Variants in CAPN13 observed in about 807,000 individuals in gnomAD.
The protein encoded by CAPN13 is calpain 13.
In CAPN13, 90 loss-of-function variants were observed where a neutral mutation model predicts 98.4. The observed-to-expected ratio is 0.92, with a 90% CI of 0.77 to 1.09. The LOEUF is 1.09. Ranked by LOEUF, CAPN13 falls within the 50% of genes least tolerant of loss-of-function variation. CAPN13 has a pLI of 0.00. For synonymous variants in CAPN13, 330 were observed against 305.5 expected, an observed-to-expected ratio of 1.08 and a Z score of -0.84; for missense variants, 887 against 841.3, an observed-to-expected ratio of 1.05 and a Z score of -0.67.
In CAPN13 at chr2:30,757,892, G is replaced by A. The variant is rs893246354; in HGVS notation, c.866+154C>T. 2.4e-4 allele frequency among the ~76,000 whole-genome samples: 37 copies of A among 152,196 alleles called. 1 individual carries two copies. Among genetic ancestry groups the A allele is most frequent in the Non-Finnish European group, 5.3e-4 (36 of 68,028 alleles). On this transcript the variant is annotated intron_variant, in intron 8 of 22. Coordinates refer to ENST00000295055, the MANE Select transcript of CAPN13 (RefSeq NM_144575.3). ...TTGCTTGGCGGATGGCATCACAGGA[G>A]CGTGAGATGGACCGATAGCCACGTG...
chr2:30,730,664 G>C (rs895389473), intron 22 of CAPN13, 66 bp downstream of exon 22: 9 of 764,710 alleles, frequency 1.2e-5, no homozygotes, highest in Admixed American at 1.7e-5. Flanking sequence ...CTTATGTGCA[G>C]TTCTTAGAGG....
chr2:30,778,844 G>A (rs774523259), intron 2 of CAPN13, among the ~76,000 whole-genome samples: 5 of 152,204 alleles, frequency 3.3e-5, no homozygotes, highest in African/African-American at 9.6e-5. Context: ...GGGGGACCCT[G>A]GGGTGGCACC....
intron 2 of CAPN13, among the ~76,000 whole-genome samples, chr2:30,786,624 A>T (rs1674297362): frequency 6.6e-6 from 1 of 152,184 alleles, no homozygotes; most frequent in Non-Finnish European, 1.5e-5. Context: ...AGCCTCTCTA[A>T]GATCGAGAAT....
In CAPN13 at chr2:30,743,515, T is replaced by C; in HGVS notation, c.1313A>G (p.Asn438Ser). 1 of 1,613,942 alleles carries C rather than the reference T, an allele frequency of 6.2e-7. No homozygotes were observed. Among genetic ancestry groups the C allele is most frequent in the South Asian group, 1.1e-5 (1 of 91,088 alleles). ...GGTGAAGTTGCGGCGGAATTTATTA[T>C]TTGAGCTTTGGACAGTGTTTCTGAA... The part of the protein sequence containing the change: ...SSFRNTVQSS[N>S]NKFRRNFTMT... The change falls in exon 13 of 23, where the codon AAT becomes AGT. Residue 438 changes from asparagine (N) to serine (S), a missense_variant. Coordinates refer to ENST00000295055, the MANE Select transcript of CAPN13 (RefSeq NM_144575.3).
chr2:30,740,082 GTTTTTTTTTT>G (rs143581068), intron 15 of CAPN13, among the ~76,000 whole-genome samples: 1 of 121,406 alleles, frequency 8.2e-6, no homozygotes, highest in African/African-American at 3.1e-5. Context: ...ATTGTATTAG[GTTTTTTTTTT>G]TTTTTTTTTT....
intron 5 of CAPN13, among the ~76,000 whole-genome samples, chr2:30,767,632 G>A (rs1558323342): frequency 6.6e-6 from 1 of 152,212 alleles, no homozygotes; most frequent in Non-Finnish European, 1.5e-5. Flanking sequence ...ATGTGGATTG[G>A]TTCAACAACC....
intron 11 of CAPN13, 25 bp downstream of exon 11, chr2:30,751,078 A>G: frequency 6.2e-7 from 1 of 1,611,086 alleles, no homozygotes; most frequent in Non-Finnish European, 8.5e-7. Flanking sequence ...TCTACAAGGG[A>G]AAGCCCTGAA....
intron 12 of CAPN13, 24 bp downstream of exon 12, chr2:30,745,699 G>A (rs1351390829): frequency 6.3e-7 from 1 of 1,596,392 alleles, no homozygotes; most frequent in East Asian, 2.2e-5. Flanking sequence ...AGAGGCGCAG[G>A]GCAAGGACGA....
In CAPN13 at chr2:30,775,871, C is replaced by CTTAAGT. The variant is rs1673660578; in HGVS notation, c.387+58_387+59insACTTAA. On this transcript the variant is annotated intron_variant, in intron 4 of 22. Coordinates refer to ENST00000295055, the MANE Select transcript of CAPN13 (RefSeq NM_144575.3). ...GCCACGAGAAAACTTAAGACTTTCA[C>CTTAAGT]CTTCCCTGTACTCACAGAGAACCCC... The CTTAAGT allele has an allele frequency of 2.1e-5, 26 of 1,236,130 alleles. No individual in the cohort carries two copies. The Admixed American group carries it at 3.5e-4, about 16-fold the overall frequency. The allele number at this position is 1,236,130 out of a possible 1,614,324, so 76.6% of individuals were successfully genotyped here.
At position 30,732,442 on chromosome 2, in the gene CAPN13, C is replaced by T. The variant is rs753664288; in HGVS notation, c.1923G>A (p.Met641Ile). The T allele has an allele frequency of 1.8e-4, 290 of 1,613,298 alleles. No homozygotes were observed. Among genetic ancestry groups the T allele is most frequent in the Non-Finnish European group, 2.4e-4 (280 of 1,179,820 alleles). ...ATGCCCCTTGGGGACACTTACTTGC[C>T]ATGGCTTCAAGCCGCATCAGGAAGC... is the stretch of plus-strand genomic sequence containing the variant. ...LVCFLMRLEA[M>I]AKTFRNLSKD... Residue 641 changes from methionine (M) to isoleucine (I), a missense_variant, in exon 20 of 23, where the codon ATG (methionine) becomes ATA (isoleucine). Physicochemically the swap from Met to Ile is conservative, Grantham distance 10. Coordinates refer to ENST00000295055, the MANE Select transcript of CAPN13 (RefSeq NM_144575.3).
In CAPN13 at chr2:30,803,991, C is replaced by G. The variant is rs1281524774; in HGVS notation, c.-33+3311G>C. On this transcript the variant is annotated intron_variant, in intron 1 of 22. Coordinates refer to ENST00000295055, the MANE Select transcript of CAPN13 (RefSeq NM_144575.3). The stretch of plus-strand genomic sequence containing the variant: ...TTGGTAAAAGCTTCTCATGCACCCC[C>G]ACAGCCTTCCCTTATACTGCAGAGT... 5.3e-5 allele frequency among the ~76,000 whole-genome samples: 8 copies of G among 152,198 alleles called. No homozygotes were observed. The East Asian group carries it at 1.3e-3, about 26-fold the overall frequency.
At position 30,741,982 on chromosome 2, in the gene CAPN13, T is replaced by C; in HGVS notation, c.1480-18A>G. 5 of 1,609,514 alleles carry C rather than the reference T, an allele frequency of 3.1e-6. No homozygotes were observed. Among genetic ancestry groups the C allele is most frequent in the African/African-American group, 1.3e-5 (1 of 74,904 alleles). ...GGGCTTCCCTGGATCAAAGGGAAAA[T>C]AGTCAATGTTAGACTTCTGGGGAAG... On this transcript the variant is annotated intron_variant, in intron 14 of 22. Coordinates refer to ENST00000295055, the MANE Select transcript of CAPN13 (RefSeq NM_144575.3).
chr2:30,738,006 C>CACACACA, intron 17 of CAPN13: 2 of 539,188 alleles, frequency 3.7e-6, no homozygotes, highest in Non-Finnish European at 3.4e-6. Flanking sequence ...CACACACACA[C>CACACACA]CCCAGTACAC....
At position 30,753,071 on chromosome 2, in the gene CAPN13, T is replaced by C; in HGVS notation, c.1069A>G (p.Ile357Val). 2 of 1,614,002 alleles carry C rather than the reference T, an allele frequency of 1.2e-6. No individual in the cohort carries two copies. Among genetic ancestry groups the C allele is most frequent in the Non-Finnish European group, 1.7e-6 (2 of 1,179,862 alleles). The change falls in exon 10 of 23, where the codon ATT becomes GTT. Residue 357 changes from isoleucine to valine, a missense_variant. Physicochemically the swap from Ile to Val is conservative, Grantham distance 29. Transcript: ENST00000295055. The stretch of plus-strand genomic sequence containing the variant: ...TGATTACCTGCAGTGTTTCCTAGAA[T>C]CACTTGCTTCCTAAACATTATTTGG... ...WSQIMFRKQV[I>V]LGNTAGGPRN...
rs1396517138 is a variant in CAPN13, at chr2:30,745,937, G to A, written c.1237-203C>T. 2.9e-4 allele frequency among the ~76,000 whole-genome samples: 33 copies of A among 114,540 alleles called. No homozygotes were observed. In the Admixed American group the frequency reaches 3.4e-3, roughly 12 times the overall value. The allele number at this position is 114,540 out of a possible 152,430, so 75.1% of individuals were successfully genotyped here. A position where few individuals can be genotyped will look rare whatever the true frequency, so the allele number is the denominator to read the frequency against. The stretch of plus-strand genomic sequence containing the variant: ...TTTTTTTGAGATGGAGTCTCGCTCT[G>A]TCACCCAGGCTGGAGTGCAATGGTG... On this transcript the variant is annotated intron_variant, in intron 11 of 22. Coordinates refer to ENST00000295055, the MANE Select transcript of CAPN13 (RefSeq NM_144575.3).
intron 5 of CAPN13, among the ~76,000 whole-genome samples, chr2:30,768,539 T>A (rs995340589): frequency 6.6e-6 from 1 of 152,286 alleles, no homozygotes; most frequent in East Asian, 1.9e-4. Flanking sequence ...ACCAGCCCCA[T>A]GAGAGTCCCT....
chr2:30,747,829 C>G (rs1572809367), intron 11 of CAPN13, among the ~76,000 whole-genome samples: 1 of 152,240 alleles, frequency 6.6e-6, no homozygotes, highest in Non-Finnish European at 1.5e-5. Context: ...TGACATTTAA[C>G]TCAATCAGGA....
intron 22 of CAPN13, among the ~76,000 whole-genome samples, chr2:30,725,284 C>T (rs1325040156): frequency 6.6e-6 from 1 of 152,078 alleles, no homozygotes; most frequent in Admixed American, 6.6e-5. Flanking sequence ...ATAGGTATTG[C>T]CTGCAATGTG....
intron 2 of CAPN13, 84 bp from the exon 3 acceptor site, chr2:30,777,723 G>T: frequency 8.5e-7 from 1 of 1,175,340 alleles, no homozygotes; most frequent in Non-Finnish European, 1.2e-6. Context: ...TCTTTCAAGG[G>T]TCGAGGTTAA....
Sources: allele counts gnomAD v4.1 joint callset (sites outside exome capture counted in the v4.1 genomes callset), GRCh38; gene constraint gnomAD v4.1.1; transcripts MANE v1.5; gene names NCBI Gene and HGNC (gene_info 2026-07-23, HGNC 2026-07-21).